Variants in AFAP1 observed in about 807,000 individuals in gnomAD.
The protein encoded by AFAP1 is actin filament-associated protein 1.
Under a neutral mutation model 93.9 loss-of-function variants are expected in AFAP1, and 75 were observed. The ratio of observed to expected loss-of-function variants is 0.80; its 90% CI spans 0.66 to 0.97. The LOEUF is 0.97. Ranked by LOEUF, AFAP1 falls within the 50% of genes least tolerant of loss-of-function variation. The pLI, the probability that AFAP1 is intolerant of heterozygous loss-of-function variation, is 0.00. For synonymous variants in AFAP1, 517 were observed against 430.7 expected (o/e 1.20, Z -2.48); for missense variants, 1,201 against 1,050.8 (o/e 1.14, Z -1.98).
intron 1 of AFAP1, among the ~76,000 whole-genome samples, chr4:7,882,482 T>C (rs1270775138): frequency 6.6e-6 from 1 of 152,112 alleles, no homozygotes; most frequent in Non-Finnish European, 1.5e-5. Context: ...CCACTTTTCC[T>C]TACATCAGTG....
intron 1 of AFAP1, among the ~76,000 whole-genome samples, chr4:7,912,093 G>T (rs955223196): frequency 3.9e-5 from 6 of 152,188 alleles, no homozygotes; most frequent in African/African-American, 1.4e-4. Context: ...AGGGTATTAT[G>T]CATGATGGTG....
intron 6 of AFAP1, among the ~76,000 whole-genome samples, chr4:7,834,164 G>C (rs2149098348): frequency 7.0e-6 from 1 of 143,300 alleles, no homozygotes; most frequent in South Asian, 2.2e-4. Context: ...CCATAAAAAG[G>C]AATACATTAA....
intron 3 of AFAP1, among the ~76,000 whole-genome samples, chr4:7,856,128 C>T (rs1715032072): frequency 6.6e-6 from 1 of 152,204 alleles, no homozygotes; most frequent in Non-Finnish European, 1.5e-5. Flanking sequence ...CTCACCATAT[C>T]CCTATTGTGT....
chr4:7,877,729 C>T (rs924089148), intron 1 of AFAP1, among the ~76,000 whole-genome samples: 1 of 152,148 alleles, frequency 6.6e-6, no homozygotes, highest in African/African-American at 2.4e-5. Context: ...TCAGAGATAA[C>T]CCTAGTCTGA....
At chr4:7,890,606 A>G (rs1261652332) in intron 1 of AFAP1, among the ~76,000 whole-genome samples, 1 of 152,218 alleles carries the variant, frequency 6.6e-6, no homozygotes, top group African/African-American at 2.4e-5. Context: ...CTGAATACCA[A>G]AAACACATGA....
intron 1 of AFAP1, among the ~76,000 whole-genome samples, chr4:7,887,598 C>T (rs184579808): frequency 4.6e-5 from 7 of 152,254 alleles, no homozygotes; most frequent in African/African-American, 1.4e-4. Flanking sequence ...TTGGAATGAG[C>T]ATTTATGAGG....
At chr4:7,876,006 G>A (rs1444123186) in intron 1 of AFAP1, among the ~76,000 whole-genome samples, 1 of 152,022 alleles carries the variant, frequency 6.6e-6, no homozygotes, top group Non-Finnish European at 1.5e-5. Context: ...AATGGATGGT[G>A]AATATACCTA....
intron 1 of AFAP1, among the ~76,000 whole-genome samples, chr4:7,895,476 T>C (rs544039027): frequency 1.6e-4 from 24 of 152,298 alleles, no homozygotes; most frequent in African/African-American, 5.5e-4. Flanking sequence ...ATCTGTAACT[T>C]TGTCTACTCC....
rs984215966 is a variant in AFAP1 at position 7,763,758 on chromosome 4, C to G, written c.*7G>C. On this transcript the variant is annotated 3_prime_UTR_variant, in exon 18 of 18. Coordinates refer to ENST00000420658, the MANE Select transcript of AFAP1 (RefSeq NM_001134647.2). ...AGTCTCTGAGGCTGGAGTGGTGCTGCTGTCCCCTAGGTCCCGTTCTTCAAT... is the reference window on the plus strand; with the variant it reads ...AGTCTCTGAGGCTGGAGTGGTGCTGGTGTCCCCTAGGTCCCGTTCTTCAAT... The G allele has an allele frequency of 1.3e-6, 2 of 1,551,662 alleles. No homozygotes were observed. Among genetic ancestry groups the G allele is most frequent in the Non-Finnish European group, 1.7e-6 (2 of 1,146,968 alleles).
At chr4:7,774,275 C>G (rs1390123476) in intron 15 of AFAP1, 1 of 159,470 alleles carries the variant, frequency 6.3e-6, no homozygotes, top group African/African-American at 2.4e-5. Context: ...GCCTTGCTCT[C>G]GCCTGTCCCT....
chr4:7,770,933 A>G (rs1462142573), intron 16 of AFAP1, among the ~76,000 whole-genome samples: 2 of 152,196 alleles, frequency 1.3e-5, no homozygotes, highest in Non-Finnish European at 2.9e-5. Context: ...GCCAATGCCT[A>G]CAGCCTCACT....
At chr4:7,808,634 T>G (rs552793024) in intron 9 of AFAP1, among the ~76,000 whole-genome samples, 2 of 152,224 alleles carry the variant, frequency 1.3e-5, no homozygotes, top group Non-Finnish European at 2.9e-5. Flanking sequence ...TGGTATAGTT[T>G]GGATATTTCT....
At chr4:7,901,418 C>T (rs754448551) in intron 1 of AFAP1, among the ~76,000 whole-genome samples, 1 of 152,222 alleles carries the variant, frequency 6.6e-6, no homozygotes, top group African/African-American at 2.4e-5. Flanking sequence ...CATGTTGGCT[C>T]TCACTGTGCG....
intron 1 of AFAP1, among the ~76,000 whole-genome samples, chr4:7,874,082 T>G (rs1051561859): frequency 6.6e-6 from 1 of 152,220 alleles, no homozygotes; most frequent in Non-Finnish European, 1.5e-5. Flanking sequence ...TGTCATATGT[T>G]GACATTTATT....
intron 14 of AFAP1, 170 bp downstream of exon 14, chr4:7,778,592 G>A (rs766431240): frequency 8.8e-6 from 6 of 683,434 alleles, no homozygotes; most frequent in Non-Finnish European, 1.5e-5. Context: ...AAGCTGGGTT[G>A]AAATCGCCAC....
intron 4 of AFAP1, among the ~76,000 whole-genome samples, chr4:7,848,250 G>A (rs958718366): frequency 4.7e-5 from 7 of 147,602 alleles, no homozygotes; most frequent in Admixed American, 2.0e-4. Context: ...AGGAAGGGAG[G>A]GAGGGAAGGA....
chr4:7,833,444 A>G (rs1711874129), intron 6 of AFAP1, among the ~76,000 whole-genome samples: 1 of 152,176 alleles, frequency 6.6e-6, no homozygotes. Context: ...CAAAACCACA[A>G]TGTGATACCA....
chr4:7,848,468 G>A (rs1198972509), intron 4 of AFAP1, among the ~76,000 whole-genome samples: 1 of 152,156 alleles, frequency 6.6e-6, no homozygotes, highest in Non-Finnish European at 1.5e-5. Flanking sequence ...GTGCGGGAGG[G>A]CAGTGGTGCT....
chr4:7,783,094 T>C (rs2148988296), intron 12 of AFAP1, among the ~76,000 whole-genome samples: 1 of 152,288 alleles, frequency 6.6e-6, no homozygotes, highest in African/African-American at 2.4e-5. Context: ...GGGTAAACAT[T>C]ACTAAAGCTG....
Sources: allele counts gnomAD v4.1 joint callset (sites outside exome capture counted in the v4.1 genomes callset), GRCh38; gene constraint gnomAD v4.1.1; transcripts MANE v1.5; gene names NCBI Gene and HGNC (gene_info 2026-07-23, HGNC 2026-07-21).